The following SMU1 variants were observed in gnomAD, a reference collection of about 807,000 sequenced individuals.
SMU1 encodes the protein WD40 repeat-containing protein SMU1.
A neutral mutation model predicts 62.0 loss-of-function variants in SMU1; 2 were observed. The ratio of observed to expected loss-of-function variants is 0.03; its 90% CI spans 0.01 to 0.10. The LOEUF (loss-of-function observed/expected upper bound fraction) is 0.10, where lower values mean the gene tolerates loss of function less well. Among genes scored for constraint, SMU1 ranks in the 10% least tolerant of loss-of-function variants. The pLI is 1.00. For synonymous variants in SMU1, 188 were observed against 212.4 expected (o/e 0.89, Z 1.00); for missense variants, 227 against 622.1 (o/e 0.36, Z 6.76).
intron 4 of SMU1, 86 bp downstream of exon 4, chr9:33,068,738 C>T: frequency 6.7e-7 from 1 of 1,488,416 alleles, no homozygotes. Context: ...CTACTAGGCT[C>T]AAGTGATTCT....
chr9:33,056,823 G>A lies in SMU1; in HGVS notation c.995+14C>T. ...TCAAACTCAAGTGAGAGCAGTTTTG[G>A]GATTTTTACTTACCTAATTGTCTGG... On this transcript the variant is annotated intron_variant, in intron 8 of 11. Coordinates refer to ENST00000397149, the MANE Select transcript of SMU1 (RefSeq NM_018225.3). The A allele has an allele frequency of 6.2e-7, 1 of 1,609,196 alleles. No individual in the cohort carries two copies. Among genetic ancestry groups the A allele is most frequent in the South Asian group, 1.1e-5 (1 of 90,716 alleles).
intron 9 of SMU1, among the ~76,000 whole-genome samples, chr9:33,053,674 G>A (rs1421705265): frequency 6.6e-6 from 1 of 152,134 alleles, no homozygotes; most frequent in African/African-American, 2.4e-5. Context: ...ACTTGGCATG[G>A]GGCAGATTTA....
chr9:33,070,501 G>A (rs1320680713), intron 3 of SMU1, among the ~76,000 whole-genome samples: 3 of 152,128 alleles, frequency 2.0e-5, no homozygotes, highest in African/African-American at 7.2e-5. Context: ...AAACATGGAG[G>A]TACCATATGA....
intron 10 of SMU1, among the ~76,000 whole-genome samples, chr9:33,048,994 T>G (rs1839214941): frequency 6.6e-6 from 1 of 152,222 alleles, no homozygotes; most frequent in South Asian, 2.1e-4. Context: ...CACAGAGATA[T>G]TCTATGTTCA....
intron 9 of SMU1, among the ~76,000 whole-genome samples, chr9:33,054,600 T>C (rs1378387043): frequency 6.6e-6 from 1 of 152,200 alleles, no homozygotes; most frequent in Non-Finnish European, 1.5e-5. Flanking sequence ...AAATCTGAGA[T>C]GTGCTTAGAG....
chr9:33,052,417 G>C (rs1036471174), intron 10 of SMU1, among the ~76,000 whole-genome samples: 2 of 152,158 alleles, frequency 1.3e-5, no homozygotes, highest in Non-Finnish European at 2.9e-5. Flanking sequence ...CTATTATGCA[G>C]TGGCCCAAAA....
Position 33,044,498 on chromosome 9 carries a change from C to T in SMU1, c.*2795G>A, listed in dbSNP as rs546319375. 1 of 152,370 alleles carries T rather than the reference C, an allele frequency of 6.6e-6. No individual in the cohort carries two copies. Among genetic ancestry groups the T allele is most frequent in the East Asian group, 1.9e-4 (1 of 5,196 alleles). 9.4% of individuals were successfully genotyped at this position (152,370 alleles called of 1,614,324 possible). A position where few individuals can be genotyped will look rare whatever the true frequency, so the allele number is the denominator to read the frequency against. ...GCCCTGCGCGTGCGCGGCCCGACCC[C>T]GCCGCGGTCTGGCTGTAAGGGCGCT... On this transcript the variant is annotated 3_prime_UTR_variant, in exon 12 of 12. Coordinates refer to ENST00000397149, the MANE Select transcript of SMU1 (RefSeq NM_018225.3).
intron 6 of SMU1, among the ~76,000 whole-genome samples, chr9:33,058,242 A>G (rs1042662176): frequency 3.9e-5 from 6 of 152,210 alleles, no homozygotes; most frequent in Non-Finnish European, 5.9e-5. Flanking sequence ...AGAAACATAT[A>G]AAGTAGAAAG....
At chr9:33,053,352 G>A in intron 9 of SMU1, 62 bp from the exon 10 acceptor site, 1 of 1,470,390 alleles carries the variant, frequency 6.8e-7, no homozygotes, top group South Asian at 1.2e-5. Context: ...AAAGTTTTAG[G>A]GTTTAAAATA....
Position 33,057,042 on chromosome 9 carries a change from GATGCA to G in SMU1, c.868-83_868-79del. 2.0e-6 allele frequency: 3 copies of G among 1,463,650 alleles called. No homozygotes were observed. In the South Asian group the frequency reaches 3.7e-5, roughly 18 times the overall value. The allele number at this position is 1,463,650 out of a possible 1,614,324, so 90.7% of individuals were successfully genotyped here. Reference sequence around the variant, plus strand: ...ATTAATAGCCCACAGAGCCAAGCAAGATGCAATGCTCACTAATGTACTGAAACAGC... The same window carrying G: ...ATTAATAGCCCACAGAGCCAAGCAAGATGCTCACTAATGTACTGAAACAGC... On this transcript the variant is annotated intron_variant, in intron 7 of 11. Coordinates refer to ENST00000397149, the MANE Select transcript of SMU1 (RefSeq NM_018225.3).
Position 33,073,797 on chromosome 9 carries a change from G to A in SMU1, c.36C>T (p.Arg12=). The A allele has an allele frequency of 6.2e-7, 1 of 1,614,010 alleles. No individual in the cohort carries two copies. Among genetic ancestry groups the A allele is most frequent in the Non-Finnish European group, 8.5e-7 (1 of 1,179,924 alleles). Residue 12 remains arginine (R), a synonymous_variant, in exon 2 of 12, where the codon CGC becomes CGT. Coordinates refer to ENST00000397149, the MANE Select transcript of SMU1 (RefSeq NM_018225.3). ...TCTCCTTCAAGTACTGCATAATAAGGCGGATCACACTGAAAGAAAACAAAT... is the reference window on the plus strand; with the variant it reads ...TCTCCTTCAAGTACTGCATAATAAGACGGATCACACTGAAAGAAAACAAAT... ...SIEIESSDVI[R]LIMQYLKENS...
chr9:33,073,463 T>C (rs1026248797), intron 2 of SMU1, 133 bp downstream of exon 2: 8 of 615,986 alleles, frequency 1.3e-5, no homozygotes, highest in Non-Finnish European at 2.0e-5. Context: ...AAATACAATG[T>C]CAAGCCTTGC....
chr9:33,067,234 G>A (rs1839431129), intron 4 of SMU1, among the ~76,000 whole-genome samples: 1 of 137,650 alleles, frequency 7.3e-6, no homozygotes, highest in South Asian at 2.4e-4. Flanking sequence ...GAGTAAGTGT[G>A]TATTGAGGAG....
At chr9:33,062,209 T>C (rs1839370488) in intron 4 of SMU1, 32 bp from the exon 5 acceptor site, 3 of 1,596,990 alleles carry the variant, frequency 1.9e-6, no homozygotes, top group Non-Finnish European at 2.6e-6. Context: ...TAGCAATCTG[T>C]TCAGGTGCTT....
intron 10 of SMU1, among the ~76,000 whole-genome samples, chr9:33,050,632 C>T (rs957713603): frequency 1.3e-5 from 2 of 150,890 alleles, no homozygotes; most frequent in Non-Finnish European, 2.9e-5. Flanking sequence ...TCAAGACCAG[C>T]CTGGCCAAGA....
chr9:33,060,395 G>T, intron 6 of SMU1, 70 bp downstream of exon 6: 1 of 1,307,640 alleles, frequency 7.6e-7, no homozygotes, highest in Non-Finnish European at 1.1e-6. Context: ...CTGATTTAGA[G>T]GCCATAGGTA....
Position 33,047,481 on chromosome 9 carries a change from A to G in SMU1, c.1444-90T>C, listed in dbSNP as rs999270421. On this transcript the variant is annotated intron_variant, in intron 11 of 11. Transcript: ENST00000397149. ...CCAGAGGTGGGTGGAAGGGAAAAAGAGATCTTGGGAGGCCACATATTCCAA... is the reference window on the plus strand; with the variant it reads ...CCAGAGGTGGGTGGAAGGGAAAAAGGGATCTTGGGAGGCCACATATTCCAA... 10 of 950,980 alleles carry G rather than the reference A, an allele frequency of 1.1e-5. No individual in the cohort carries two copies. The East Asian group carries it at 2.7e-4, about 26-fold the overall frequency. 58.9% of individuals were successfully genotyped at this position (950,980 alleles called of 1,614,324 possible). A position where few individuals can be genotyped will look rare whatever the true frequency, so the allele number is the denominator to read the frequency against.
rs113489512 is a variant in SMU1 at position 33,069,113 on chromosome 9, G to A, written c.391-179C>T. ...TGAAAATGACTTCCCAATTCTGCCC[G>A]CTTGCATTTCAAAAGTATGAGTTGG... is the stretch of plus-strand genomic sequence containing the variant. On this transcript the variant is annotated intron_variant, in intron 3 of 11. Transcript: ENST00000397149. Among the ~76,000 whole-genome samples the A allele has an allele frequency of 3.2e-3, 491 of 152,222 alleles. 8 individuals carry two copies. Among genetic ancestry groups the A allele is most frequent in the African/African-American group, 0.011 (466 of 41,530 alleles).
At chr9:33,054,029 A>T (rs953518812) in intron 9 of SMU1, among the ~76,000 whole-genome samples, 1 of 152,222 alleles carries the variant, frequency 6.6e-6, no homozygotes, top group Non-Finnish European at 1.5e-5. Context: ...TCACGCCTGT[A>T]ATGTCAGCAC....
Sources: allele counts gnomAD v4.1 joint callset (sites outside exome capture counted in the v4.1 genomes callset), GRCh38; gene constraint gnomAD v4.1.1; transcripts MANE v1.5; gene names NCBI Gene and HGNC (gene_info 2026-07-23, HGNC 2026-07-21).